The following ERLEC1 variants were observed in gnomAD, a reference collection of about 807,000 sequenced individuals.
ERLEC1 encodes the protein ER lectin.
In ERLEC1, 47 loss-of-function variants were observed where a neutral mutation model predicts 68.0. That is an observed-to-expected ratio of 0.69 (90% CI 0.55 to 0.88). The LOEUF (loss-of-function observed/expected upper bound fraction) is 0.88. ERLEC1 is among the 40% of genes least tolerant of loss of function. ERLEC1 has a pLI of 0.00. For synonymous variants in ERLEC1, 225 were observed against 203.2 expected, an observed-to-expected ratio of 1.11 and a Z score of -0.91; for missense variants, 567 against 583.8, an observed-to-expected ratio of 0.97 and a Z score of 0.30.
At chr2:53,798,983 AACTT>A in intron 5 of ERLEC1, 60 bp from the exon 6 acceptor site, 1 of 1,448,234 alleles carries the variant, frequency 6.9e-7, no homozygotes, top group South Asian at 1.2e-5. Flanking sequence ...GGTGGTTGAA[AACTT>A]ACTCATTTGT....
chr2:53,815,349 G>C lies in ERLEC1; in HGVS notation c.1380+414G>C, dbSNP rs908695523. Reference sequence around the variant, plus strand: ...GCATTAAGTTTAGGAAGGACCTTCAGTAGTCTCCAAGGCTTAATATGGCCC... The same window carrying C: ...GCATTAAGTTTAGGAAGGACCTTCACTAGTCTCCAAGGCTTAATATGGCCC... On this transcript the variant is annotated intron_variant, in intron 13 of 13. Transcript: ENST00000185150. Among the ~76,000 whole-genome samples the C allele has an allele frequency of 2.0e-5, 3 of 152,118 alleles. No homozygotes were observed. The East Asian group carries it at 5.8e-4, about 29-fold the overall frequency.
intron 6 of ERLEC1, 51 bp downstream of exon 6, chr2:53,799,132 G>A: frequency 3.3e-6 from 5 of 1,508,344 alleles, no homozygotes; most frequent in African/African-American, 1.4e-5. Flanking sequence ...TGTTAGTGAG[G>A]TATGAATTTA....
At chr2:53,792,044 T>C (rs1343193544) in intron 1 of ERLEC1, among the ~76,000 whole-genome samples, 5 of 151,676 alleles carry the variant, frequency 3.3e-5, no homozygotes, top group Admixed American at 1.3e-4. Context: ...CCCGAGTAGC[T>C]GGGAGTACAG....
intron 8 of ERLEC1, among the ~76,000 whole-genome samples, chr2:53,804,608 G>C (rs1174313974): frequency 6.6e-6 from 1 of 152,108 alleles, no homozygotes; most frequent in African/African-American, 2.4e-5. Context: ...CAGATATGCA[G>C]TGCATAATAA....
chr2:53,808,214 G>T, intron 8 of ERLEC1, 85 bp from the exon 9 acceptor site: 2 of 1,449,766 alleles, frequency 1.4e-6, no homozygotes, highest in Non-Finnish European at 1.9e-6. Flanking sequence ...ATTTTCTGCA[G>T]TTTAAAAATA....
chr2:53,816,199 G>A (rs1676871446), intron 13 of ERLEC1, among the ~76,000 whole-genome samples: 1 of 151,348 alleles, frequency 6.6e-6, no homozygotes, highest in Non-Finnish European at 1.5e-5. Flanking sequence ...TTGTGCCTCA[G>A]CCTTCCAAGT....
chr2:53,809,296 C>T, intron 10 of ERLEC1, 23 bp downstream of exon 10: 1 of 1,444,674 alleles, frequency 6.9e-7, no homozygotes, highest in Admixed American at 2.7e-5. Flanking sequence ...ATTTATATAT[C>T]ATTCTACCAC....
intron 10 of ERLEC1, among the ~76,000 whole-genome samples, chr2:53,812,161 C>T (rs1177992371): frequency 1.3e-5 from 2 of 152,096 alleles, no homozygotes; most frequent in Admixed American, 6.6e-5. Context: ...TGATTTCGCC[C>T]ACCTCAGCCT....
intron 11 of ERLEC1, 129 bp from the exon 12 acceptor site, chr2:53,814,413 AT>A (rs1002007825): frequency 4.6e-5 from 25 of 540,674 alleles, no homozygotes; most frequent in African/African-American, 4.5e-4. Context: ...TTTAAAGAAT[AT>A]TTTATAGTCA....
At chr2:53,802,429 TA>T (rs1676056727) in intron 8 of ERLEC1, among the ~76,000 whole-genome samples, 1 of 152,232 alleles carries the variant, frequency 6.6e-6, no homozygotes. Flanking sequence ...AATCATCCAC[TA>T]AAAGGTATCA....
In ERLEC1 at chr2:53,807,994, C is replaced by T. The variant is rs937403231; in HGVS notation, c.880-305C>T. 7.3e-5 allele frequency among the ~76,000 whole-genome samples: 11 copies of T among 150,306 alleles called. No homozygotes were observed. The South Asian group carries it at 8.4e-4, about 11-fold the overall frequency. Reference sequence around the variant, plus strand: ...GAGCTGAGACCGCACCAGCGCACTCCAGCCTGGGCGACAGAGCAAGACTCC... The same window carrying T: ...GAGCTGAGACCGCACCAGCGCACTCTAGCCTGGGCGACAGAGCAAGACTCC... On this transcript the variant is annotated intron_variant, in intron 8 of 13. Coordinates refer to ENST00000185150, the MANE Select transcript of ERLEC1 (RefSeq NM_015701.5).
At chr2:53,809,015 T>C (rs538155637) in intron 9 of ERLEC1, among the ~76,000 whole-genome samples, 199 bp from the exon 10 acceptor site, 1 of 152,230 alleles carries the variant, frequency 6.6e-6, no homozygotes, top group Non-Finnish European at 1.5e-5. Flanking sequence ...TTTTGTTTTA[T>C]TGTATTTAAA....
intron 12 of ERLEC1, 64 bp downstream of exon 12, chr2:53,814,684 G>A: frequency 8.3e-7 from 1 of 1,210,366 alleles, no homozygotes; most frequent in Non-Finnish European, 1.2e-6. Flanking sequence ...ATGGACAAAA[G>A]TTTTATGTAA....
Position 53,794,335 on chromosome 2 carries a change from C to T in ERLEC1, c.163-10C>T, listed in dbSNP as rs1286686426. The T allele has an allele frequency of 7.6e-7, 1 of 1,320,398 alleles. No homozygotes were observed. The highest frequency in any genetic ancestry group is 1.1e-6 in the Non-Finnish European group (1 of 948,522). The allele number at this position is 1,320,398 out of a possible 1,614,324, so 81.8% of individuals were successfully genotyped here. A position where few individuals can be genotyped will look rare whatever the true frequency, so the allele number is the denominator to read the frequency against. The stretch of plus-strand genomic sequence containing the variant: ...GAGAACATAATGTATGTTTTTTCTT[C>T]TATTTGCAGCCCACAACTGGAGTTT... On this transcript the variant is annotated splice_polypyrimidine_tract_variant and intron_variant, in intron 1 of 13. Transcript: ENST00000185150.
At chr2:53,814,651 CCTTT>C (rs764162529) in intron 12 of ERLEC1, 31 bp downstream of exon 12, 2 of 1,524,988 alleles carry the variant, frequency 1.3e-6, no homozygotes, top group Admixed American at 1.7e-5. Context: ...ATGCTGTATG[CCTTT>C]GTCTTTTAAC....
intron 8 of ERLEC1, among the ~76,000 whole-genome samples, chr2:53,804,117 C>T (rs1309262467): frequency 2.6e-5 from 4 of 152,134 alleles, no homozygotes; most frequent in African/African-American, 9.6e-5. Context: ...GGCGACAAAG[C>T]GAGACTCCAC....
At chr2:53,811,045 A>T (rs1479217912) in intron 10 of ERLEC1, among the ~76,000 whole-genome samples, 1 of 152,190 alleles carries the variant, frequency 6.6e-6, no homozygotes, top group Admixed American at 6.5e-5. Flanking sequence ...AAGAAAAAAA[A>T]TGCATATATA....
At chr2:53,813,110 C>T in intron 11 of ERLEC1, 37 bp downstream of exon 11, 1 of 1,581,204 alleles carries the variant, frequency 6.3e-7, no homozygotes, top group Non-Finnish European at 8.5e-7. Context: ...GAGCTAATTA[C>T]TACAATTTCT....
intron 1 of ERLEC1, 55 bp from the exon 2 acceptor site, chr2:53,794,290 C>A: frequency 1.4e-6 from 1 of 707,324 alleles, no homozygotes; most frequent in South Asian, 2.3e-5. Flanking sequence ...TAAAGTTATT[C>A]AGTGTGATAC....
Sources: allele counts gnomAD v4.1 joint callset (sites outside exome capture counted in the v4.1 genomes callset), GRCh38; gene constraint gnomAD v4.1.1; transcripts MANE v1.5; gene names NCBI Gene and HGNC (gene_info 2026-07-23, HGNC 2026-07-21).